The following MARCHF1 variants were observed in gnomAD, a reference collection of about 807,000 sequenced individuals.
MARCHF1 encodes the protein membrane associated ring-CH-type finger 1.
MARCHF1 carries 40 observed loss-of-function variants against 54.2 expected under a neutral mutation model. The ratio of observed to expected loss-of-function variants is 0.74; its 90% CI spans 0.57 to 0.96. MARCHF1 has a LOEUF of 0.96. Among genes scored for constraint, MARCHF1 ranks in the 40% least tolerant of loss-of-function variants. MARCHF1 has a pLI of 0.00. For missense variants in MARCHF1, 586 were observed against 656.5 expected, an observed-to-expected ratio of 0.89 and a Z score of 1.17; for synonymous variants, 236 against 236.3, an observed-to-expected ratio of 1.00 and a Z score of 0.01.
At chr4:164,021,460 G>T (rs530070931) in intron 2 of MARCHF1, among the ~76,000 whole-genome samples, 1 of 151,702 alleles carries the variant, frequency 6.6e-6, no homozygotes, top group South Asian at 2.1e-4. Context: ...GTTTTTCCTT[G>T]AGCCTTTGAA....
At chr4:164,068,433 C>T (rs1197561187) in intron 2 of MARCHF1, among the ~76,000 whole-genome samples, 3 of 152,108 alleles carry the variant, frequency 2.0e-5, no homozygotes, top group Admixed American at 1.3e-4. Flanking sequence ...GTGTGCGGCG[C>T]TTGTGGGCCA....
chr4:163,746,203 C>T (rs1561054927), intron 4 of MARCHF1, among the ~76,000 whole-genome samples: 2 of 152,162 alleles, frequency 1.3e-5, no homozygotes, highest in Non-Finnish European at 2.9e-5. Flanking sequence ...CACCATGGCT[C>T]TTTTCACTTT....
At chr4:163,736,738 C>T (rs1356421060) in intron 4 of MARCHF1, among the ~76,000 whole-genome samples, 1 of 152,006 alleles carries the variant, frequency 6.6e-6, no homozygotes, top group African/African-American at 2.4e-5. Context: ...TGTATCACGT[C>T]TAAGAAATAT....
intron 3 of MARCHF1, among the ~76,000 whole-genome samples, chr4:163,878,806 GTGTAATTATTTTGTA>G (rs1478837412): frequency 6.6e-6 from 1 of 152,156 alleles, no homozygotes; most frequent in Non-Finnish European, 1.5e-5. Flanking sequence ...AGCAATTACA[GTGTAATTATTTTGTA>G]CCAGCAATTG....
intron 1 of MARCHF1, among the ~76,000 whole-genome samples, chr4:164,370,102 T>C (rs1317345014): frequency 6.6e-6 from 1 of 152,206 alleles, no homozygotes; most frequent in South Asian, 2.1e-4. Context: ...GTAACAAATA[T>C]ATGGACAGGA....
intron 1 of MARCHF1, among the ~76,000 whole-genome samples, chr4:164,144,209 C>T (rs1231306093): frequency 3.3e-5 from 5 of 150,744 alleles, no homozygotes; most frequent in African/African-American, 1.2e-4. Flanking sequence ...TAGACTCCCA[C>T]ACATTAATAA....
At chr4:164,125,972 A>T (rs1756170928) in intron 1 of MARCHF1, among the ~76,000 whole-genome samples, 1 of 152,214 alleles carries the variant, frequency 6.6e-6, no homozygotes, top group South Asian at 2.1e-4. Context: ...GGTGTCAAAA[A>T]GTTTGAAGAC....
intron 3 of MARCHF1, among the ~76,000 whole-genome samples, chr4:163,861,099 G>T (rs575064640): frequency 6.6e-6 from 1 of 152,296 alleles, no homozygotes; most frequent in Non-Finnish European, 1.5e-5. Context: ...GGGAATGTTA[G>T]CCCAGAGAAG....
intron 3 of MARCHF1, among the ~76,000 whole-genome samples, chr4:163,912,523 C>T (rs1751216420): frequency 6.6e-6 from 1 of 152,094 alleles, no homozygotes; most frequent in Admixed American, 6.6e-5. Context: ...AAGAAATTAT[C>T]CTGGAAATCC....
intron 4 of MARCHF1, among the ~76,000 whole-genome samples, chr4:163,761,472 G>C (rs1746823673): frequency 6.6e-6 from 1 of 152,050 alleles, no homozygotes; most frequent in African/African-American, 2.4e-5. Context: ...CATTGTCCTT[G>C]AGCCTAGGTG....
In MARCHF1 at chr4:164,254,993, C is replaced by T. The variant is rs142220899; in HGVS notation, c.-323+128877G>A. Among the ~76,000 whole-genome samples the T allele has an allele frequency of 3.4e-3, 513 of 152,312 alleles. 1 individual carries two copies. Among genetic ancestry groups the T allele is most frequent in the Admixed American group, 0.012 (180 of 15,294 alleles). ...CTCCTGACCTCAGGTTATCCACTCA[C>T]CTCAGTCTCCCAAAGTGGTGGGATT... On this transcript the variant is annotated intron_variant, in intron 1 of 9. Transcript: ENST00000514618.
In MARCHF1 at chr4:163,525,223, T is replaced by C. The variant is rs1738060185; in HGVS notation, c.*3525A>G. 1 of 152,158 alleles carries C rather than the reference T, an allele frequency of 6.6e-6. No individual in the cohort carries two copies. The highest frequency in any genetic ancestry group is 2.4e-5 in the African/African-American group (1 of 41,446). 9.4% of individuals were successfully genotyped at this position (152,158 alleles called of 1,614,324 possible). ...GCCCCAGGACCCTTATAATGTCCCT[T>C]AATGGTGTCATTGTTCTAATGAGCT... On this transcript the variant is annotated 3_prime_UTR_variant, in exon 10 of 10. Transcript: ENST00000514618.
chr4:164,382,214 A>C (rs1436909280), intron 1 of MARCHF1, among the ~76,000 whole-genome samples: 1 of 152,160 alleles, frequency 6.6e-6, no homozygotes, highest in African/African-American at 2.4e-5. Context: ...TTTCTATCAA[A>C]TCTGTTCTGA....
intron 1 of MARCHF1, among the ~76,000 whole-genome samples, chr4:164,300,534 A>G (rs1734528874): frequency 6.6e-6 from 1 of 152,088 alleles, no homozygotes; most frequent in Non-Finnish European, 1.5e-5. Context: ...TGAAATCAAC[A>G]GTAATACTAG....
chr4:164,130,618 A>G lies in MARCHF1; in HGVS notation c.-322-18956T>C, dbSNP rs1244496043. 2.6e-5 allele frequency among the ~76,000 whole-genome samples: 4 copies of G among 152,186 alleles called. No homozygotes were observed. The South Asian group carries it at 6.2e-4, about 24-fold the overall frequency. ...TTGTCCTTAACAAAGAGTTTTTATA[A>G]GACTCTCATATTATCTTCACAACAC... On this transcript the variant is annotated intron_variant, in intron 1 of 9. Transcript: ENST00000514618.
At chr4:163,604,214 C>A (rs67518107) in intron 7 of MARCHF1, among the ~76,000 whole-genome samples, 2 of 151,904 alleles carry the variant, frequency 1.3e-5, no homozygotes, top group African/African-American at 4.8e-5. Context: ...TAGACCTTGC[C>A]TGTATCTCCC....
intron 3 of MARCHF1, among the ~76,000 whole-genome samples, chr4:163,970,155 A>G (rs1752521276): frequency 6.6e-6 from 1 of 152,208 alleles, no homozygotes; most frequent in African/African-American, 2.4e-5. Context: ...ATTTCTTTAT[A>G]GTGTTAGGCA....
At chr4:163,914,848 A>G (rs978001543) in intron 3 of MARCHF1, among the ~76,000 whole-genome samples, 2 of 152,186 alleles carry the variant, frequency 1.3e-5, no homozygotes, top group Non-Finnish European at 2.9e-5. Context: ...TTGAATGTAC[A>G]CTAGGTATTA....
intron 1 of MARCHF1, among the ~76,000 whole-genome samples, chr4:164,361,829 A>C (rs1730731339): frequency 6.6e-6 from 1 of 152,102 alleles, no homozygotes; most frequent in African/African-American, 2.4e-5. Context: ...CATTCACAAC[A>C]CTGTACCATA....
Sources: gnomAD v4.1 joint callset for allele counts (sites outside exome capture counted in the v4.1 genomes callset) on GRCh38, gnomAD v4.1.1 for gene constraint, MANE v1.5 for transcripts, NCBI Gene and HGNC (gene_info 2026-07-23, HGNC 2026-07-21) for gene names.